The following AXDND1 variants were observed in gnomAD, a reference collection of about 807,000 sequenced individuals.
The protein encoded by AXDND1 is axonemal dynein light chain domain containing 1.
In AXDND1, 110 loss-of-function variants were observed where a neutral mutation model predicts 137.5. That is an observed-to-expected ratio of 0.80 (90% CI 0.69 to 0.94). AXDND1 has a LOEUF of 0.94. Among genes scored for constraint, AXDND1 ranks in the 40% least tolerant of loss-of-function variants. The probability of loss-of-function intolerance (pLI) is 0.00; values close to 1 mark genes in which losing one functional copy is unlikely to be tolerated. For synonymous variants in AXDND1, 414 were observed against 399.7 expected (o/e 1.04, Z -0.43); for missense variants, 1,191 against 1,169.8 (o/e 1.02, Z -0.26).
At position 179,396,387 on chromosome 1, in the gene AXDND1, C is replaced by T. The variant is rs146786910; in HGVS notation, c.1109+1185C>T. 8.9e-4 allele frequency among the ~76,000 whole-genome samples: 136 copies of T among 152,068 alleles called. No individual in the cohort carries two copies. In the East Asian group the frequency reaches 0.022, roughly 24 times the overall value. On this transcript the variant is annotated intron_variant, in intron 11 of 25. Coordinates refer to ENST00000367618, the MANE Select transcript of AXDND1 (RefSeq NM_144696.6). ...ATTTGCGGCTGGGCACAGTGGCTCA[C>T]GCCTGTAATCTCAGCACTTTGGGAG...
At chr1:179,485,682 T>C (rs1486167918) in intron 18 of AXDND1, among the ~76,000 whole-genome samples, 1 of 152,142 alleles carries the variant, frequency 6.6e-6, no homozygotes, top group South Asian at 2.1e-4. Context: ...CAATGTTTCT[T>C]AACCAGGCTG....
rs1331176226 is a variant in AXDND1 at position 179,525,440 on chromosome 1, CAGA to C, written c.2609_2610+1del. ...CTTCAGGAGGAAAATAAAGAGAGAG[CAGA>C]AGAAGTAAGATTATTTGGTATTTGT... On this transcript the variant is annotated inframe_deletion, in exon 22 of 26. Coordinates refer to ENST00000367618, the MANE Select transcript of AXDND1 (RefSeq NM_144696.6). 3 of 1,606,998 alleles carry C rather than the reference CAGA, an allele frequency of 1.9e-6. No homozygotes were observed. Among genetic ancestry groups the C allele is most frequent in the Admixed American group, 3.4e-5 (2 of 59,318 alleles).
At chr1:179,533,028 C>T (rs1184216933) in intron 23 of AXDND1, 1 of 152,076 alleles carries the variant, frequency 6.6e-6, no homozygotes, top group Non-Finnish European at 1.5e-5. Context: ...TAGATGCAGG[C>T]TTGCTTTAGC....
chr1:179,505,587 G>T (rs547873272), intron 20 of AXDND1, among the ~76,000 whole-genome samples: 1 of 151,626 alleles, frequency 6.6e-6, no homozygotes, highest in African/African-American at 2.4e-5. Context: ...GGTAGAGGTT[G>T]TGCCGAGCCG....
chr1:179,536,644 G>A (rs993164602), intron 25 of AXDND1, among the ~76,000 whole-genome samples: 15 of 152,062 alleles, frequency 9.9e-5, no homozygotes, highest in South Asian at 2.1e-4. Flanking sequence ...GTCAGGTAGC[G>A]TGATGCCTCC....
At chr1:179,517,771 C>T (rs1377683403) in intron 21 of AXDND1, among the ~76,000 whole-genome samples, 2 of 152,232 alleles carry the variant, frequency 1.3e-5, no homozygotes, top group African/African-American at 4.8e-5. Context: ...TTCCCACTTT[C>T]GCAGTTTGGG....
chr1:179,490,991 T>C (rs529466830), intron 18 of AXDND1, among the ~76,000 whole-genome samples: 5 of 152,212 alleles, frequency 3.3e-5, no homozygotes, highest in Admixed American at 6.5e-5. Flanking sequence ...AATTTGAGAA[T>C]TGTAGGTTCT....
At chr1:179,456,140 T>G in intron 16 of AXDND1, 2 of 560,192 alleles carry the variant, frequency 3.6e-6, no homozygotes, top group Non-Finnish European at 6.8e-6. Context: ...CCACTGTGCT[T>G]GGCTGAGTTC....
chr1:179,418,026 G>A (rs868846751), intron 12 of AXDND1, among the ~76,000 whole-genome samples: 78 of 149,692 alleles, frequency 5.2e-4, no homozygotes, highest in African/African-American at 1.7e-3. Flanking sequence ...ATTCTTGGGT[G>A]TTTCTCGCAG....
rs570686873 is a variant in AXDND1, at chr1:179,395,769, G to A, written c.1109+567G>A. On this transcript the variant is annotated intron_variant, in intron 11 of 25. Transcript: ENST00000367618. ...TATTTCAGACATTCAGAAAAAGAAA[G>A]CATTATAGTGAGTACTCATTTACCT... Among the ~76,000 whole-genome samples, 271 of 152,238 alleles carry A rather than the reference G, an allele frequency of 1.8e-3. 12 individuals are homozygous for A. In the South Asian group the frequency reaches 0.054, roughly 30 times the overall value.
chr1:179,427,911 C>A (rs1255933328), intron 12 of AXDND1, among the ~76,000 whole-genome samples: 1 of 148,050 alleles, frequency 6.8e-6, no homozygotes, highest in Non-Finnish European at 1.5e-5. Flanking sequence ...AAACTCAGGG[C>A]AGCCACCTAA....
chr1:179,491,718 T>C lies in AXDND1; in HGVS notation c.2272T>C (p.Tyr758His). ...TGAACTGACAAGGAAGTTGTACCAA[T>C]ACTCCAGCTATTTGAGCAGGTGAAG... ...AIELTRKLYQ[Y>H]SSYLSSCCKG... Residue 758 changes from tyrosine to histidine, a missense_variant, in exon 19 of 26, where the codon TAC becomes CAC. Coordinates refer to ENST00000367618, the MANE Select transcript of AXDND1 (RefSeq NM_144696.6). 6.4e-7 allele frequency: 1 copy of C among 1,566,842 alleles called. No homozygotes were observed. Among genetic ancestry groups the C allele is most frequent in the East Asian group, 2.3e-5 (1 of 43,144 alleles).
chr1:179,410,541 A>T (rs1208440175), intron 11 of AXDND1, among the ~76,000 whole-genome samples: 3 of 152,212 alleles, frequency 2.0e-5, no homozygotes, highest in African/African-American at 7.2e-5. Context: ...AAGTCTGTTA[A>T]TTTTAAATGA....
chr1:179,496,312 A>G (rs1667443428), intron 20 of AXDND1, among the ~76,000 whole-genome samples: 1 of 152,052 alleles, frequency 6.6e-6, no homozygotes, highest in African/African-American at 2.4e-5. Context: ...GTTTGGTAGA[A>G]TTCACCAGTG....
At chr1:179,544,810 T>C (rs547533670) in intron 25 of AXDND1, 1 of 152,326 alleles carries the variant, frequency 6.6e-6, no homozygotes, top group South Asian at 2.1e-4. Flanking sequence ...GCAATAACCC[T>C]GCAAAGTAGG....
At chr1:179,390,188 A>G (rs1258544186) in intron 9 of AXDND1, among the ~76,000 whole-genome samples, 1 of 152,070 alleles carries the variant, frequency 6.6e-6, no homozygotes, top group Non-Finnish European at 1.5e-5. Flanking sequence ...TAATTTTTGT[A>G]TTTTTAGTAG....
chr1:179,373,868 A>G (rs1269790608), intron 4 of AXDND1, among the ~76,000 whole-genome samples: 4 of 152,238 alleles, frequency 2.6e-5, no homozygotes, highest in Non-Finnish European at 5.9e-5. Flanking sequence ...TAAAACCATA[A>G]AAACCCTAGA....
intron 16 of AXDND1, chr1:179,456,154 A>G (rs774343828): frequency 2.5e-5 from 15 of 591,498 alleles, no homozygotes; most frequent in Non-Finnish European, 4.4e-5. Flanking sequence ...TGAGTTCACA[A>G]ATCTGTTGTA....
chr1:179,456,493 C>A, intron 16 of AXDND1: 1 of 770,440 alleles, frequency 1.3e-6, no homozygotes, highest in South Asian at 1.3e-5. Flanking sequence ...CTGCCACTCC[C>A]ACCATAGCCA....
Sources: allele counts gnomAD v4.1 joint callset (sites outside exome capture counted in the v4.1 genomes callset), GRCh38; gene constraint gnomAD v4.1.1; transcripts MANE v1.5; gene names NCBI Gene and HGNC (gene_info 2026-07-23, HGNC 2026-07-21).